Variants in PTPRM observed in about 807,000 individuals in gnomAD.
PTPRM encodes receptor-type tyrosine-protein phosphatase mu.
In PTPRM, 47 loss-of-function variants were observed where a neutral mutation model predicts 186.7. That is an observed-to-expected ratio of 0.25 (90% confidence interval 0.20 to 0.32). PTPRM has a LOEUF of 0.32. Among genes scored for constraint, PTPRM ranks in the 10% least tolerant of loss-of-function variants. PTPRM has a pLI of 1.00. For missense variants in PTPRM, 1,494 were observed against 1,865.0 expected (o/e 0.80, Z 3.66); for synonymous variants, 668 against 674.9 (o/e 0.99, Z 0.16).
intron 9 of PTPRM, among the ~76,000 whole-genome samples, chr18:8,084,884 C>T (rs2090349665): frequency 6.6e-6 from 1 of 151,832 alleles, no homozygotes; most frequent in African/African-American, 2.4e-5. Context: ...TATTTTCAAA[C>T]ACTTCAGACT....
intron 14 of PTPRM, among the ~76,000 whole-genome samples, chr18:8,174,065 CAAA>C (rs112437802): frequency 3.3e-5 from 4 of 122,968 alleles, no homozygotes; most frequent in African/African-American, 8.5e-5. Context: ...GACTCTGTCT[CAAA>C]AAAAAAAAAA....
chr18:8,345,239 A>AT, intron 23 of PTPRM, among the ~76,000 whole-genome samples: 1 of 152,036 alleles, frequency 6.6e-6, no homozygotes, highest in South Asian at 2.1e-4. Flanking sequence ...AACCAAAGAA[A>AT]AAAAAAAGGA....
chr18:7,723,368 G>C (rs2040485799), intron 1 of PTPRM, among the ~76,000 whole-genome samples: 1 of 152,190 alleles, frequency 6.6e-6, no homozygotes, highest in Non-Finnish European at 1.5e-5. Context: ...GGAGTCAGTA[G>C]ATACCATTAA....
chr18:8,033,083 T>C (rs975563161), intron 7 of PTPRM, among the ~76,000 whole-genome samples: 1 of 152,074 alleles, frequency 6.6e-6, no homozygotes, highest in African/African-American at 2.4e-5. Flanking sequence ...ATATAAAAAA[T>C]ATTTTTAAAA....
chr18:8,256,611 A>C (rs2094577088), intron 19 of PTPRM, among the ~76,000 whole-genome samples: 1 of 152,212 alleles, frequency 6.6e-6, no homozygotes, highest in African/African-American at 2.4e-5. Context: ...TAGCAGTCTG[A>C]GGATAGAGTG....
intron 11 of PTPRM, among the ~76,000 whole-genome samples, chr18:8,106,665 G>A (rs1004663009): frequency 1.3e-4 from 20 of 152,204 alleles, no homozygotes; most frequent in African/African-American, 4.3e-4. Flanking sequence ...GGCCTGATAC[G>A]TGGTGAATAT....
At chr18:8,073,895 A>G (rs2089644323) in intron 8 of PTPRM, among the ~76,000 whole-genome samples, 1 of 152,170 alleles carries the variant, frequency 6.6e-6, no homozygotes, top group Non-Finnish European at 1.5e-5. Context: ...ACAGAGCAAG[A>G]CCCTATTTCC....
At chr18:7,776,910 C>T (rs2042612586) in intron 2 of PTPRM, among the ~76,000 whole-genome samples, 1 of 152,162 alleles carries the variant, frequency 6.6e-6, no homozygotes, top group Non-Finnish European at 1.5e-5. Context: ...GATTTTTAAA[C>T]TGAGTTTCCA....
At chr18:8,247,783 A>C (rs764558559) in intron 15 of PTPRM, 62 bp from the exon 16 acceptor site, 3 of 1,243,828 alleles carry the variant, frequency 2.4e-6, no homozygotes, top group Non-Finnish European at 3.5e-6. Context: ...GTCTCAGAGC[A>C]TTGTGTGTTC....
chr18:7,733,390 C>T (rs1430315594), intron 1 of PTPRM, among the ~76,000 whole-genome samples: 2 of 152,120 alleles, frequency 1.3e-5, no homozygotes, highest in Non-Finnish European at 2.9e-5. Context: ...CCAGCTTCAT[C>T]CATGTCCCTG....
intron 14 of PTPRM, among the ~76,000 whole-genome samples, chr18:8,203,961 A>T (rs2093892570): frequency 1.3e-5 from 2 of 152,212 alleles, no homozygotes; most frequent in African/African-American, 4.8e-5. Context: ...AATACATCGT[A>T]ACAGTACACC....
At chr18:8,313,903 G>C (rs1487932847) in intron 20 of PTPRM, among the ~76,000 whole-genome samples, 1 of 152,012 alleles carries the variant, frequency 6.6e-6, no homozygotes, top group Non-Finnish European at 1.5e-5. Context: ...TATAATCCTA[G>C]CATTTGGGAG....
chr18:8,114,902 T>C (rs1320805542), intron 13 of PTPRM, 75 bp downstream of exon 13: 10 of 1,218,710 alleles, frequency 8.2e-6, no homozygotes, highest in Non-Finnish European at 1.2e-5. Flanking sequence ...TTCAAAACTT[T>C]TTGAACTGGA....
chr18:7,610,672 C>T (rs62089800), intron 1 of PTPRM, among the ~76,000 whole-genome samples: 7,226 of 152,184 alleles, frequency 0.047, 241 homozygotes, highest in Non-Finnish European at 0.076. Flanking sequence ...TGTAGCACAA[C>T]GCATTATTTG....
chr18:7,750,845 A>AT (rs1250127256), intron 1 of PTPRM, among the ~76,000 whole-genome samples: 2 of 152,044 alleles, frequency 1.3e-5, no homozygotes, highest in Admixed American at 6.6e-5. Flanking sequence ...AGAGTTGAGC[A>AT]TCAAAGGCCA....
At chr18:7,807,661 A>T (rs1189217201) in intron 2 of PTPRM, among the ~76,000 whole-genome samples, 1 of 152,232 alleles carries the variant, frequency 6.6e-6, no homozygotes, top group Non-Finnish European at 1.5e-5. Flanking sequence ...GAAGCCCCCA[A>T]GTGAAAAAAC....
chr18:7,820,596 C>T (rs2045132374), intron 2 of PTPRM, among the ~76,000 whole-genome samples: 1 of 152,046 alleles, frequency 6.6e-6, no homozygotes, highest in African/African-American at 2.4e-5. Context: ...AAACTGGCCC[C>T]TTCGAGGCAC....
chr18:7,947,283 G>A (rs547445548), intron 5 of PTPRM, among the ~76,000 whole-genome samples: 1 of 152,248 alleles, frequency 6.6e-6, no homozygotes, highest in South Asian at 2.1e-4. Flanking sequence ...CCCTGACAGT[G>A]GGTGGTATCA....
Position 8,126,032 on chromosome 18 carries a change from A to T in PTPRM, c.2167+11205A>T, listed in dbSNP as rs1327418638. On this transcript the variant is annotated intron_variant, in intron 13 of 32. Coordinates refer to ENST00000580170, the MANE Select transcript of PTPRM (RefSeq NM_001105244.2). ...ATATATATATATATATATATATTTT[A>T]AATCAGTAGACCTTTCCATTGCAAA... Among the ~76,000 whole-genome samples, 60 of 30,266 alleles carry T rather than the reference A, an allele frequency of 2.0e-3. 1 individual carries two copies. Among genetic ancestry groups the T allele is most frequent in the South Asian group, 8.7e-3 (7 of 804 alleles). 19.9% of individuals were successfully genotyped at this position (30,266 alleles called of 152,430 possible).
Sources: gnomAD v4.1 joint callset for allele counts (sites outside exome capture counted in the v4.1 genomes callset) on GRCh38, gnomAD v4.1.1 for gene constraint, MANE v1.5 for transcripts, NCBI Gene and HGNC (gene_info 2026-07-23, HGNC 2026-07-21) for gene names.